Variants in WDR81 observed in about 807,000 individuals in gnomAD.
WDR81 encodes WD repeat domain 81.
WDR81 carries 92 observed loss-of-function variants against 140.8 expected under a neutral mutation model. The observed-to-expected ratio is 0.65, with a 90% CI of 0.55 to 0.78. The LOEUF is 0.78. Among genes scored for constraint, WDR81 ranks in the 30% least tolerant of loss-of-function variants. WDR81 has a pLI of 0.00. For synonymous variants in WDR81, 1,183 were observed against 1,156.4 expected (o/e 1.02, Z -0.47); for missense variants, 2,502 against 2,636.4 (o/e 0.95, Z 1.12).
In WDR81 at chr17:1,737,603, C is replaced by T. The variant is rs757158803; in HGVS notation, c.5744C>T (p.Thr1915Met). ...TKLSSENFRG[T>M]LTSLALLPTK... ...CTCAGCTCTGAGAACTTCCGCGGCA[C>T]GCTCACCAGCCTGGCCTTGCTGCCC... Residue 1915 changes from threonine to methionine, a missense_variant, in exon 10 of 10, where the codon ACG (threonine) becomes ATG (methionine). Coordinates refer to ENST00000409644, the MANE Select transcript of WDR81 (RefSeq NM_001163809.2). 1.7e-5 allele frequency: 27 copies of T among 1,612,668 alleles called. No individual in the cohort carries two copies. The highest frequency in any genetic ancestry group is 2.2e-5 in the East Asian group (1 of 44,894).
rs779847715 is a variant in WDR81, at chr17:1,737,696, G to A, written c.*11G>A. ...CGCCTCCTGGCATAGACTGAGGCAG[G>A]AGCTGGCCGGGCAAGGGTGGGAAGA... On this transcript the variant is annotated 3_prime_UTR_variant, in exon 10 of 10. Transcript: ENST00000409644. 71 of 1,596,602 alleles carry A rather than the reference G, an allele frequency of 4.4e-5. 1 individual carries two copies. The South Asian group carries it at 7.7e-4, about 17-fold the overall frequency.
intron 5 of WDR81, 61 bp downstream of exon 5, chr17:1,732,551 CT>C (rs777849829): frequency 2.0e-5 from 32 of 1,590,434 alleles, no homozygotes; most frequent in Non-Finnish European, 2.7e-5. Flanking sequence ...GGGTGACCCC[CT>C]GGGCATCTTG....
Position 1,725,002 on chromosome 17 carries a change from C to T in WDR81, c.43C>T (p.Pro15Ser). ...SGGREGALRT[P>S]AGGWHSPPSP... ...GGGGCGGGAAGGCGCTCTCAGAACCCCGGCCGGGGGCTGGCATTCCCCGCC... is the reference window on the plus strand; with the variant it reads ...GGGGCGGGAAGGCGCTCTCAGAACCTCGGCCGGGGGCTGGCATTCCCCGCC... Residue 15 changes from proline (P) to serine (S), a missense_variant, in exon 1 of 10, where the codon CCG becomes TCG. Around this residue, in one of 3 missense-constraint regions of WDR81, gnomAD observed 547 missense variants for 513.8 expected, o/e 1.06. Transcript: ENST00000409644. 2.0e-6 allele frequency: 3 copies of T among 1,469,374 alleles called. No homozygotes were observed. The highest frequency in any genetic ancestry group is 2.7e-6 in the Non-Finnish European group (3 of 1,113,158). 91.0% of individuals were successfully genotyped at this position (1,469,374 alleles called of 1,614,324 possible). A position where few individuals can be genotyped will look rare whatever the true frequency, so the allele number is the denominator to read the frequency against.
chr17:1,729,344 G>A (rs553400222), intron 1 of WDR81, among the ~76,000 whole-genome samples: 25 of 152,130 alleles, frequency 1.6e-4, no homozygotes, highest in Non-Finnish European at 2.9e-4. Context: ...GCCAGGCGTG[G>A]TGGCGGGCAC....
At chr17:1,716,536 A>G in exon 1 of WDR81, 1 of 1,549,584 alleles carries the variant, frequency 6.5e-7, no homozygotes, top group Non-Finnish European at 8.7e-7. Context: ...CGAGAGTCCT[A>G]AAGAGCAGGC....
At chr17:1,730,004 AAG>A (rs1491300035) in intron 1 of WDR81, among the ~76,000 whole-genome samples, 4 of 18,950 alleles carry the variant, frequency 2.1e-4, no homozygotes, top group Non-Finnish European at 6.1e-4. Flanking sequence ...AAAAAAAAAA[AAG>A]AAGAAGAAGA....
upstream of WDR81, among the ~76,000 whole-genome samples, chr17:1,723,409 A>G (rs1045837197): frequency 3.4e-5 from 5 of 146,378 alleles, no homozygotes; most frequent in African/African-American, 1.2e-4. Context: ...ATTTTATTTT[A>G]TTTATTTATT....
intron 7 of WDR81, among the ~76,000 whole-genome samples, chr17:1,734,850 G>A (rs991215202): frequency 6.6e-6 from 1 of 152,242 alleles, no homozygotes; most frequent in African/African-American, 2.4e-5. Context: ...TTGGTCAATG[G>A]TTGCTTATTT....
In WDR81 at chr17:1,732,480, T is replaced by C. The variant is rs763849732; in HGVS notation, c.4313T>C (p.Leu1438Pro). 1.2e-6 allele frequency: 2 copies of C among 1,613,038 alleles called. No homozygotes were observed. The highest frequency in any genetic ancestry group is 2.7e-5 in the African/African-American group (2 of 74,908). ...FFQVFSQLHELRQQDLKLDPA... is the reference protein window; with the variant it reads ...FFQVFSQLHEPRQQDLKLDPA... ...CAGGTCTTCTCTCAGCTGCATGAGC[T>C]TCGGCAACAGGTGGGCAGATCTGCT... The change falls in exon 5 of 10, where the codon CTT becomes CCT. Residue 1438 changes from leucine to proline, a missense_variant. Physicochemically the swap from Leu to Pro is moderately conservative, Grantham distance 98 (BLOSUM62 -3). Around this residue, in one of 3 missense-constraint regions of WDR81, gnomAD observed 1,737 missense variants for 1,843.0 expected, o/e 0.94. Transcript: ENST00000409644.
At chr17:1,737,306 G>A in intron 9 of WDR81, 59 bp from the exon 10 acceptor site, 5 of 1,505,274 alleles carry the variant, frequency 3.3e-6, no homozygotes, top group African/African-American at 1.4e-5. Context: ...AAGGCCTTGG[G>A]GCCCAAGGGT....
intron 4 of WDR81, 42 bp downstream of exon 4, chr17:1,731,300 G>T: frequency 6.3e-7 from 1 of 1,589,602 alleles, no homozygotes; most frequent in Admixed American, 1.7e-5. Context: ...CCGGCCCAGC[G>T]GAGGGGCTGC....
chr17:1,735,681 C>A lies in WDR81; in HGVS notation c.5289C>A (p.Thr1763=). 4 of 1,612,966 alleles carry A rather than the reference C, an allele frequency of 2.5e-6. No homozygotes were observed. Among genetic ancestry groups the A allele is most frequent in the Middle Eastern group, 1.7e-4 (1 of 6,058 alleles). ...TCACCATGGCCAGCTCTGACTCTAC[C>A]CTGCGCTTTGTGGACTGCAGGAAGC... ...TSITMASSDS[T]LRFVDCRKPG... The change falls in exon 8 of 10, where the codon ACC becomes ACA. Residue 1763 remains threonine, a synonymous_variant. Transcript: ENST00000409644. The surrounding 1 kb of genome is among the most constrained non-coding windows in gnomAD (Gnocchi z 4.2).
chr17:1,724,400 G>C, upstream of WDR81: 14 of 854,316 alleles, frequency 1.6e-5, no homozygotes, highest in African/African-American at 1.8e-5. Flanking sequence ...TTCTGCCCCT[G>C]GTTGTGCGGT....
Position 1,728,436 on chromosome 17 carries a change from G to A in WDR81, c.3477G>A (p.Glu1159=), listed in dbSNP as rs1325076996. The A allele has an allele frequency of 2.5e-6, 4 of 1,612,172 alleles. No individual in the cohort carries two copies. Among genetic ancestry groups the A allele is most frequent in the African/African-American group, 1.3e-5 (1 of 74,916 alleles). Residue 1159 remains glutamate, a synonymous_variant, in exon 1 of 10, where the codon GAG becomes GAA. Coordinates refer to ENST00000409644, the MANE Select transcript of WDR81 (RefSeq NM_001163809.2). ...SEGSEEEEEE[E]DSCVVLEEEE... ...GCTCCGAGGAGGAAGAGGAGGAGGA[G>A]GACAGCTGCGTGGTGCTAGAGGAGG...
rs769216188 is a variant in WDR81 at position 1,728,162 on chromosome 17, C to G, written c.3203C>G (p.Thr1068Arg). Residue 1068 changes from threonine (T) to arginine (R), a missense_variant, in exon 1 of 10, where the codon ACG (threonine) becomes AGG (arginine). Physicochemically the swap from Thr to Arg is moderately conservative, Grantham distance 71 (BLOSUM62 -1). Around this residue, in one of 3 missense-constraint regions of WDR81, gnomAD observed 1,737 missense variants for 1,843.0 expected, o/e 0.94. Transcript: ENST00000409644. ...ASSGLGLPDY[T>R]SGVSFHDQAD... ...TCGGGCCTGGGGCTCCCAGACTACACGTCTGGCGTCAGCTTCCACGACCAG... is the reference window on the plus strand; with the variant it reads ...TCGGGCCTGGGGCTCCCAGACTACAGGTCTGGCGTCAGCTTCCACGACCAG... 9.3e-6 allele frequency: 15 copies of G among 1,605,830 alleles called. No homozygotes were observed. Among genetic ancestry groups the G allele is most frequent in the African/African-American group, 4.0e-5 (3 of 74,750 alleles).
rs1048582836 is a variant in WDR81, at chr17:1,724,954, G to A, written c.-6G>A. ...CCCCGCGCTGCCCCCGGGCGGCCTG[G>A]AGGAGATGGCCCAGGGCAGCGGGGG... On this transcript the variant is annotated 5_prime_UTR_variant, in exon 1 of 10. Coordinates refer to ENST00000409644, the MANE Select transcript of WDR81 (RefSeq NM_001163809.2). The A allele has an allele frequency of 1.4e-6, 2 of 1,427,984 alleles. No individual in the cohort carries two copies. The highest frequency in any genetic ancestry group is 1.8e-6 in the Non-Finnish European group (2 of 1,095,458). 88.5% of individuals were successfully genotyped at this position (1,427,984 alleles called of 1,614,324 possible). A position where few individuals can be genotyped will look rare whatever the true frequency, so the allele number is the denominator to read the frequency against.
At chr17:1,720,966 C>A (rs1448897565), upstream of WDR81, among the ~76,000 whole-genome samples, 3 of 152,000 alleles carry the variant, frequency 2.0e-5, no homozygotes, top group Admixed American at 1.3e-4. Context: ...AGTGTAACCC[C>A]AGTACCGCTA....
In WDR81 at chr17:1,734,236, G is replaced by T; in HGVS notation, c.5179+20G>T. On this transcript the variant is annotated intron_variant, in intron 7 of 9. Transcript: ENST00000409644. ...TCACAGGTGAGCGGGCCCAGGTGAG[G>T]CCTGTTCTCTTCCTGCTCCTGCGCC... 6.5e-7 allele frequency: 1 copy of T among 1,543,964 alleles called. No individual in the cohort carries two copies. The highest frequency in any genetic ancestry group is 1.2e-5 in the South Asian group (1 of 83,486).
chr17:1,719,830 C>G (rs542515180), upstream of WDR81, among the ~76,000 whole-genome samples: 2 of 152,196 alleles, frequency 1.3e-5, no homozygotes, highest in Middle Eastern at 6.8e-3. Context: ...TGATGAAACT[C>G]TAGCTCTACC....
Sources: gnomAD v4.1 joint callset for allele counts (sites outside exome capture counted in the v4.1 genomes callset) on GRCh38, gnomAD v4.1.1 for gene constraint, gnomAD v4.1.1 regional missense constraint, Gnocchi (gnomAD v3.1) non-coding constraint, MANE v1.5 for transcripts, NCBI Gene and HGNC (gene_info 2026-07-23, HGNC 2026-07-21) for gene names.